EPHA6: variants seen among roughly 807,000 people sequenced by gnomAD.
EPHA6 encodes EPH receptor A6.
Under a neutral mutation model 112.0 loss-of-function variants are expected in EPHA6, and 50 were observed. The observed-to-expected ratio is 0.45, with a 90% CI of 0.36 to 0.56. The LOEUF (loss-of-function observed/expected upper bound fraction) is 0.56, where lower values mean the gene tolerates loss of function less well. Ranked by LOEUF, EPHA6 falls within the 20% of genes least tolerant of loss-of-function variation. The pLI, the probability that EPHA6 is intolerant of heterozygous loss-of-function variation, is 0.00. For missense variants in EPHA6, 1,280 were observed against 1,417.4 expected (o/e 0.90, Z 1.56); for synonymous variants, 529 against 490.7 (o/e 1.08, Z -1.03).
chr3:97,051,120 C>T (rs904902279), intron 3 of EPHA6, among the ~76,000 whole-genome samples: 5 of 152,040 alleles, frequency 3.3e-5, no homozygotes, highest in Non-Finnish European at 7.4e-5. Flanking sequence ...TTGAGAATGG[C>T]AATACATAAT....
intron 12 of EPHA6, among the ~76,000 whole-genome samples, chr3:97,608,329 T>C (rs1246484774): frequency 6.6e-6 from 1 of 151,298 alleles, no homozygotes; most frequent in Non-Finnish European, 1.5e-5. Context: ...GTACTGTATA[T>C]TCACATAGAT....
At chr3:97,461,090 G>A (rs9826983) in intron 7 of EPHA6, among the ~76,000 whole-genome samples, 9 of 152,014 alleles carry the variant, frequency 5.9e-5, no homozygotes, top group African/African-American at 1.5e-4. Flanking sequence ...TAATCCTAAC[G>A]GTTACTCCAA....
chr3:96,984,714 C>T (rs577365132), intron 2 of EPHA6, among the ~76,000 whole-genome samples: 111 of 152,342 alleles, frequency 7.3e-4, no homozygotes, highest in African/African-American at 2.5e-3. Context: ...GTTCCAGCTT[C>T]CCCACTGCTT....
intron 7 of EPHA6, among the ~76,000 whole-genome samples, chr3:97,467,663 G>T (rs186964820): frequency 2.1e-3 from 321 of 151,788 alleles, no homozygotes; most frequent in Non-Finnish European, 3.5e-3. Flanking sequence ...TATTCTTTGA[G>T]AAAAATGTTC....
At chr3:97,115,310 T>A (rs1434576109) in intron 3 of EPHA6, among the ~76,000 whole-genome samples, 1 of 151,572 alleles carries the variant, frequency 6.6e-6, no homozygotes, top group Non-Finnish European at 1.5e-5. Flanking sequence ...AATATGAGAC[T>A]GTTGAATTAA....
chr3:97,198,715 CCTAA>C (rs1471988861), intron 3 of EPHA6, among the ~76,000 whole-genome samples: 4 of 151,982 alleles, frequency 2.6e-5, no homozygotes, highest in South Asian at 2.1e-4. Flanking sequence ...CTTTCTTTTG[CCTAA>C]CTGTGTTCTG....
chr3:97,012,931 G>T (rs1344931694), intron 3 of EPHA6, among the ~76,000 whole-genome samples: 1 of 151,618 alleles, frequency 6.6e-6, no homozygotes, highest in Non-Finnish European at 1.5e-5. Context: ...CACTTTACTG[G>T]GCTTGTTTAT....
chr3:97,336,446 C>T (rs768240335), intron 5 of EPHA6, among the ~76,000 whole-genome samples: 14 of 152,264 alleles, frequency 9.2e-5, no homozygotes, highest in South Asian at 2.1e-4. Context: ...GTTCTCTACA[C>T]GTCTCCAAGT....
intron 3 of EPHA6, among the ~76,000 whole-genome samples, chr3:97,216,548 G>A (rs2078039872): frequency 6.6e-6 from 1 of 152,168 alleles, no homozygotes; most frequent in Admixed American, 6.5e-5. Flanking sequence ...TACTTCAGGG[G>A]GATAGGCCCC....
chr3:96,980,521 T>A (rs1232767877), intron 2 of EPHA6, among the ~76,000 whole-genome samples: 1 of 152,170 alleles, frequency 6.6e-6, no homozygotes, highest in Non-Finnish European at 1.5e-5. Flanking sequence ...CTTAGGATTG[T>A]CTTGGCAATG....
chr3:97,659,135 G>A (rs556556222), intron 14 of EPHA6, among the ~76,000 whole-genome samples: 1 of 151,962 alleles, frequency 6.6e-6, no homozygotes, highest in East Asian at 1.9e-4. Flanking sequence ...ACTTAAATTG[G>A]GATTCCCATA....
At chr3:97,392,826 C>CT (rs964298351) in intron 5 of EPHA6, among the ~76,000 whole-genome samples, 2 of 150,430 alleles carry the variant, frequency 1.3e-5, no homozygotes, top group Admixed American at 6.7e-5. Flanking sequence ...TCAATTAGCT[C>CT]TTTTTTTTTC....
intron 5 of EPHA6, among the ~76,000 whole-genome samples, chr3:97,250,532 A>G: frequency 6.6e-6 from 1 of 152,228 alleles, no homozygotes; most frequent in Non-Finnish European, 1.5e-5. Context: ...TACGAATTAA[A>G]AAATAGTCAT....
At chr3:97,712,713 G>A (rs2034030888) in intron 14 of EPHA6, among the ~76,000 whole-genome samples, 1 of 152,172 alleles carries the variant, frequency 6.6e-6, no homozygotes, top group Non-Finnish European at 1.5e-5. Context: ...ATTATTTTCA[G>A]GAGCAATTTA....
intron 1 of EPHA6, among the ~76,000 whole-genome samples, chr3:96,849,899 C>G (rs1055503658): frequency 6.6e-6 from 1 of 152,084 alleles, no homozygotes; most frequent in Non-Finnish European, 1.5e-5. Flanking sequence ...GCCTGACATA[C>G]AGGAATCATT....
intron 2 of EPHA6, among the ~76,000 whole-genome samples, chr3:96,916,472 T>A (rs2039487559): frequency 6.6e-6 from 1 of 152,030 alleles, no homozygotes; most frequent in Admixed American, 6.6e-5. Flanking sequence ...TGGGGAAAAA[T>A]ACATGTAATA....
chr3:97,073,605 C>T (rs529185838), intron 3 of EPHA6, among the ~76,000 whole-genome samples: 2 of 152,152 alleles, frequency 1.3e-5, no homozygotes, highest in East Asian at 3.9e-4. Context: ...CAATAACATA[C>T]TCTTTTTATA....
At chr3:96,920,832 A>G (rs952056712) in intron 2 of EPHA6, among the ~76,000 whole-genome samples, 1 of 152,048 alleles carries the variant, frequency 6.6e-6, no homozygotes. Context: ...AATAATTGGA[A>G]TTCACAGACA....
chr3:97,536,374 T>C (rs1013231679), intron 11 of EPHA6, among the ~76,000 whole-genome samples: 1 of 152,158 alleles, frequency 6.6e-6, no homozygotes, highest in Non-Finnish European at 1.5e-5. Context: ...ATGAAGTGCC[T>C]ACCTCCCAGC....
Sources: gnomAD v4.1 joint callset for allele counts (sites outside exome capture counted in the v4.1 genomes callset) on GRCh38, gnomAD v4.1.1 for gene constraint, MANE v1.5 for transcripts, NCBI Gene and HGNC (gene_info 2026-07-23, HGNC 2026-07-21) for gene names.